The following KANSL1 variants were observed in gnomAD, a reference collection of about 807,000 sequenced individuals.
KANSL1 encodes the protein MLL1/MLL complex subunit KANSL1.
KANSL1 carries 22 observed loss-of-function variants against 103.6 expected under a neutral mutation model. The ratio of observed to expected loss-of-function variants is 0.21; its 90% CI spans 0.15 to 0.30. The LOEUF (loss-of-function observed/expected upper bound fraction) is 0.30, where lower values mean the gene tolerates loss of function less well. Ranked by LOEUF, KANSL1 falls within the 10% of genes least tolerant of loss-of-function variation. The pLI is 1.00. For synonymous variants in KANSL1, 600 were observed against 527.6 expected, an observed-to-expected ratio of 1.14 and a Z score of -1.88; for missense variants, 1,337 against 1,399.8, an observed-to-expected ratio of 0.96 and a Z score of 0.72.
intron 1 of KANSL1, among the ~76,000 whole-genome samples, chr17:46,205,690 A>G (rs2047944500): frequency 6.6e-6 from 1 of 152,042 alleles, no homozygotes; most frequent in South Asian, 2.1e-4. Flanking sequence ...CAAAAAAAAA[A>G]AAAAAAAAGA....
At chr17:46,158,005 C>A (rs1197980289) in intron 2 of KANSL1, among the ~76,000 whole-genome samples, 1 of 152,166 alleles carries the variant, frequency 6.6e-6, no homozygotes, top group Non-Finnish European at 1.5e-5. Flanking sequence ...ACTCTCAAGA[C>A]CTGAAGAAAA....
chr17:46,204,603 CA>C (rs1247710423), intron 1 of KANSL1, among the ~76,000 whole-genome samples: 3 of 152,234 alleles, frequency 2.0e-5, no homozygotes, highest in African/African-American at 7.2e-5. Flanking sequence ...TCAACTCATT[CA>C]ATAAAGCCAT....
At chr17:46,135,331 G>T (rs1567714469) in intron 2 of KANSL1, among the ~76,000 whole-genome samples, 2 of 150,950 alleles carry the variant, frequency 1.3e-5, no homozygotes, top group African/African-American at 4.9e-5. Flanking sequence ...ACATGGGAAG[G>T]TTCACTGCAC....
chr17:46,088,802 T>C (rs749601625), intron 3 of KANSL1: 3 of 152,440 alleles, frequency 2.0e-5, no homozygotes, highest in East Asian at 1.9e-4. Flanking sequence ...GGTAGGAGGA[T>C]AGCTTGAGCC....
At position 46,038,777 on chromosome 17, in the gene KANSL1, A is replaced by G. The variant is rs1034347629; in HGVS notation, c.2393-91T>C. On this transcript the variant is annotated intron_variant, in intron 9 of 14. Transcript: ENST00000432791. ...GCTTGGAATGGCAGCAATACATACT[A>G]AAGGCAAAAATGTTTTCTATGCCTA... The G allele has an allele frequency of 6.6e-6, 10 of 1,513,626 alleles. No homozygotes were observed. The African/African-American group carries it at 1.2e-4, about 19-fold the overall frequency. The allele number at this position is 1,513,626 out of a possible 1,614,324, so 93.8% of individuals were successfully genotyped here.
chr17:46,198,005 C>T (rs2047670001), upstream of KANSL1, among the ~76,000 whole-genome samples: 1 of 152,168 alleles, frequency 6.6e-6, no homozygotes, highest in African/African-American at 2.4e-5. Context: ...TAACTCAGGA[C>T]AAGTTCTAAA....
intron 7 of KANSL1, 37 bp from the exon 8 acceptor site, chr17:46,039,921 C>T (rs2077263189): frequency 6.3e-7 from 1 of 1,595,002 alleles, no homozygotes. Context: ...TTAGTCCAAA[C>T]ACCTGGCCTC....
At chr17:46,146,803 A>T (rs1347317610) in intron 2 of KANSL1, among the ~76,000 whole-genome samples, 1 of 145,802 alleles carries the variant, frequency 6.9e-6, no homozygotes, top group Non-Finnish European at 1.5e-5. Context: ...ACTGCACTCC[A>T]GCCTGGGCGA....
chr17:46,101,453 A>G (rs1456090274), intron 2 of KANSL1, among the ~76,000 whole-genome samples: 2 of 152,172 alleles, frequency 1.3e-5, no homozygotes, highest in African/African-American at 2.4e-5. Context: ...GTATTAGATA[A>G]GAATAACAAT....
chr17:46,182,798 T>C (rs896892975), intron 1 of KANSL1, among the ~76,000 whole-genome samples: 9 of 152,348 alleles, frequency 5.9e-5, no homozygotes, highest in African/African-American at 2.2e-4. Flanking sequence ...AGGGGCAGGA[T>C]CCATAATGCT....
chr17:46,173,197 T>C (rs1346748979), intron 1 of KANSL1, among the ~76,000 whole-genome samples: 1 of 152,188 alleles, frequency 6.6e-6, no homozygotes, highest in Non-Finnish European at 1.5e-5. Flanking sequence ...TAAATGCTGG[T>C]GCTGCACAAG....
intron 2 of KANSL1, among the ~76,000 whole-genome samples, chr17:46,106,643 T>G (rs1397044401): frequency 6.6e-6 from 1 of 152,178 alleles, no homozygotes; most frequent in East Asian, 1.9e-4. Context: ...TCTACCCACC[T>G]CGGTCTCCCA....
chr17:46,170,485 A>C (rs1407358461), intron 2 of KANSL1: 1 of 253,352 alleles, frequency 3.9e-6, no homozygotes, highest in Non-Finnish European at 7.1e-6. Flanking sequence ...TGCTTACTGG[A>C]AACAACAAAA....
intron 1 of KANSL1, among the ~76,000 whole-genome samples, chr17:46,179,142 A>C (rs1232545928): frequency 6.6e-6 from 1 of 152,192 alleles, no homozygotes; most frequent in Non-Finnish European, 1.5e-5. Flanking sequence ...GACAATCAAA[A>C]ATGTCTCCAG....
chr17:46,177,773 T>C (rs2046592249), intron 1 of KANSL1, among the ~76,000 whole-genome samples: 1 of 151,126 alleles, frequency 6.6e-6, no homozygotes, highest in Admixed American at 6.6e-5. Flanking sequence ...AAAATCACAG[T>C]AACATTCTTT....
intron 1 of KANSL1, 55 bp from the exon 2 acceptor site, chr17:46,172,287 T>C: frequency 1.2e-6 from 1 of 861,018 alleles, no homozygotes; most frequent in Admixed American, 3.1e-5. Flanking sequence ...TAAAAACATG[T>C]ATATTTTTAA....
At chr17:46,122,943 A>C (rs182588737) in intron 2 of KANSL1, among the ~76,000 whole-genome samples, 76 of 152,344 alleles carry the variant, frequency 5.0e-4, no homozygotes, top group African/African-American at 1.7e-3. Context: ...GAAACACAAC[A>C]ATATTGAAAT....
At chr17:46,152,918 T>C (rs895129655) in intron 2 of KANSL1, 1 of 152,254 alleles carries the variant, frequency 6.6e-6, no homozygotes, top group Admixed American at 6.5e-5. Context: ...ACGATGAAAC[T>C]CATTCCATCT....
chr17:46,189,031 CAAAAAAAAAAAAAAAAAAAAAAAA>C (rs57566816), intron 1 of KANSL1, among the ~76,000 whole-genome samples: 2 of 62,382 alleles, frequency 3.2e-5, no homozygotes, highest in Non-Finnish European at 5.1e-5. Flanking sequence ...AAGATTGTCT[CAAAAAAAAAAAAAAAAAAAAAAAA>C]AAAAAAAAAA....
Sources: gnomAD v4.1 joint callset for allele counts (sites outside exome capture counted in the v4.1 genomes callset) on GRCh38, gnomAD v4.1.1 for gene constraint, MANE v1.5 for transcripts, NCBI Gene and HGNC (gene_info 2026-07-23, HGNC 2026-07-21) for gene names.